The following PRDM5 variants were observed in gnomAD, a reference collection of about 807,000 sequenced individuals.
The protein encoded by PRDM5 is PR domain zinc finger protein 5.
A neutral mutation model predicts 81.2 loss-of-function variants in PRDM5; 56 were observed. That is an observed-to-expected ratio of 0.69 (90% CI 0.56 to 0.86). PRDM5 has a LOEUF of 0.86. Ranked by LOEUF, PRDM5 falls within the 40% of genes least tolerant of loss-of-function variation. PRDM5 has a pLI of 0.00. For synonymous variants in PRDM5, 267 were observed against 256.4 expected (o/e 1.04, Z -0.39); for missense variants, 697 against 770.1 (o/e 0.91, Z 1.12).
chr4:120,854,087 A>G (rs1228888341), intron 2 of PRDM5, among the ~76,000 whole-genome samples: 1 of 152,138 alleles, frequency 6.6e-6, no homozygotes, highest in Non-Finnish European at 1.5e-5. Context: ...AAACAATCCC[A>G]TTTTATCCTT....
At chr4:120,811,723 T>C (rs534028362) in intron 7 of PRDM5, among the ~76,000 whole-genome samples, 1 of 152,250 alleles carries the variant, frequency 6.6e-6, no homozygotes, top group African/African-American at 2.4e-5. Flanking sequence ...CAGAAGCTTA[T>C]ATACCTTTTC....
At chr4:120,886,479 A>G (rs1452790211) in intron 2 of PRDM5, among the ~76,000 whole-genome samples, 1 of 152,216 alleles carries the variant, frequency 6.6e-6, no homozygotes, top group Non-Finnish European at 1.5e-5. Context: ...CTGCTCCTTT[A>G]AAGACTATAT....
At chr4:120,862,475 C>G (rs960175751) in intron 2 of PRDM5, among the ~76,000 whole-genome samples, 9 of 152,084 alleles carry the variant, frequency 5.9e-5, no homozygotes, top group African/African-American at 2.2e-4. Flanking sequence ...GAGGATGGAC[C>G]AAGATGAAAA....
At chr4:120,922,287 G>A (rs1725047514) in intron 1 of PRDM5, among the ~76,000 whole-genome samples, 1 of 152,038 alleles carries the variant, frequency 6.6e-6, no homozygotes, top group Non-Finnish European at 1.5e-5. Flanking sequence ...GCAGCGGAGC[G>A]CACCCCGCCG....
At chr4:120,816,806 G>C (rs369691114) in intron 6 of PRDM5, 26 bp downstream of exon 6, 1 of 1,592,112 alleles carries the variant, frequency 6.3e-7, no homozygotes, top group Non-Finnish European at 8.6e-7. Flanking sequence ...TTATATAACA[G>C]CCATTTCATA....
chr4:120,736,242 T>C (rs1741111896), intron 14 of PRDM5, among the ~76,000 whole-genome samples: 1 of 149,450 alleles, frequency 6.7e-6, no homozygotes, highest in African/African-American at 2.5e-5. Flanking sequence ...TGTGTGTGTA[T>C]CACATTTTCT....
At chr4:120,689,770 A>G (rs1733967872), downstream of PRDM5, among the ~76,000 whole-genome samples, 1 of 151,900 alleles carries the variant, frequency 6.6e-6, no homozygotes, top group Non-Finnish European at 1.5e-5. Context: ...GCGTGCCACC[A>G]CACCCAGCTA....
chr4:120,792,753 T>C (rs574923434), intron 10 of PRDM5, among the ~76,000 whole-genome samples: 1 of 152,320 alleles, frequency 6.6e-6, no homozygotes, highest in South Asian at 2.1e-4. Flanking sequence ...CCTGTCATTT[T>C]TGGCAACATT....
intron 13 of PRDM5, among the ~76,000 whole-genome samples, chr4:120,773,259 AG>A (rs1443852927): frequency 6.6e-6 from 1 of 152,198 alleles, no homozygotes; most frequent in East Asian, 1.9e-4. Flanking sequence ...TGCATATAAA[AG>A]AAGTGAGCCT....
At chr4:120,690,095 C>A (rs1243716325), downstream of PRDM5, among the ~76,000 whole-genome samples, 1 of 152,082 alleles carries the variant, frequency 6.6e-6, no homozygotes, top group Non-Finnish European at 1.5e-5. Context: ...TAGTTTCCAA[C>A]CAGTTTTCAT....
At chr4:120,816,265 G>T (rs1299090979) in intron 7 of PRDM5, 188 bp downstream of exon 7, 1 of 878,220 alleles carries the variant, frequency 1.1e-6, no homozygotes, top group Non-Finnish European at 1.8e-6. Flanking sequence ...AAGAACAAAT[G>T]CTGCTAAATT....
At chr4:120,764,623 G>A (rs995496695) in intron 13 of PRDM5, among the ~76,000 whole-genome samples, 1 of 151,940 alleles carries the variant, frequency 6.6e-6, no homozygotes, top group Non-Finnish European at 1.5e-5. Context: ...TTCCATTGAT[G>A]TGGTTGTGGA....
At chr4:120,770,920 T>G (rs1252363395) in intron 13 of PRDM5, among the ~76,000 whole-genome samples, 1 of 128,494 alleles carries the variant, frequency 7.8e-6, no homozygotes, top group African/African-American at 2.8e-5. Context: ...TTATAACATA[T>G]AGAAATAAAA....
chr4:120,735,236 A>C (rs2149094390), intron 14 of PRDM5, among the ~76,000 whole-genome samples: 1 of 152,328 alleles, frequency 6.6e-6, no homozygotes, highest in South Asian at 2.1e-4. Flanking sequence ...CTGTGTCACC[A>C]TGGTGTCATC....
intron 13 of PRDM5, among the ~76,000 whole-genome samples, chr4:120,760,176 TA>T (rs967785988): frequency 4.6e-5 from 7 of 152,232 alleles, no homozygotes; most frequent in Admixed American, 3.3e-4. Flanking sequence ...TTAGACTTTC[TA>T]AAGTTAATGA....
chr4:120,859,845 C>A (rs1760362789), intron 2 of PRDM5, among the ~76,000 whole-genome samples: 1 of 152,132 alleles, frequency 6.6e-6, no homozygotes, highest in Non-Finnish European at 1.5e-5. Flanking sequence ...TTCCACAAAA[C>A]AAATAACTCC....
intron 14 of PRDM5, among the ~76,000 whole-genome samples, chr4:120,739,945 A>C (rs1040974506): frequency 6.6e-6 from 1 of 152,172 alleles, no homozygotes; most frequent in African/African-American, 2.4e-5. Flanking sequence ...AAATGAAGAA[A>C]AAGAAAGGGG....
At chr4:120,857,011 C>T (rs1366546181) in intron 2 of PRDM5, among the ~76,000 whole-genome samples, 2 of 152,072 alleles carry the variant, frequency 1.3e-5, no homozygotes, top group Non-Finnish European at 2.9e-5. Flanking sequence ...AGTTCGAAAA[C>T]CTGTTTGATT....
Position 120,834,700 on chromosome 4 carries a change from G to A in PRDM5, c.301-13355C>T, listed in dbSNP as rs577851354. 2.6e-5 allele frequency among the ~76,000 whole-genome samples: 4 copies of A among 152,246 alleles called. No individual in the cohort carries two copies. In the East Asian group the frequency reaches 7.7e-4, roughly 29 times the overall value. Reference sequence around the variant, plus strand: ...CATTTATATCAGTAGAGTAGACTCAGTAAAGCAGATTACCCTAAAAAGTGT... The same window carrying A: ...CATTTATATCAGTAGAGTAGACTCAATAAAGCAGATTACCCTAAAAAGTGT... On this transcript the variant is annotated intron_variant, in intron 3 of 15. Coordinates refer to ENST00000264808, the MANE Select transcript of PRDM5 (RefSeq NM_018699.4).
Sources: gnomAD v4.1 joint callset for allele counts (sites outside exome capture counted in the v4.1 genomes callset) on GRCh38, gnomAD v4.1.1 for gene constraint, MANE v1.5 for transcripts, NCBI Gene and HGNC (gene_info 2026-07-23, HGNC 2026-07-21) for gene names.